The following FTCDNL1 variants were observed in gnomAD, a reference collection of about 807,000 sequenced individuals.
FTCDNL1 encodes formiminotransferase N-terminal subdomain-containing protein.
In FTCDNL1, 11 loss-of-function variants were observed where a neutral mutation model predicts 5.9. The observed-to-expected ratio is 1.87, with a 90% confidence interval of 1.18 to 3.10. FTCDNL1 has a LOEUF of 3.10. Ranked by LOEUF, FTCDNL1 falls within the 30% of genes most tolerant of loss-of-function variation. The pLI, the probability that FTCDNL1 is intolerant of heterozygous loss-of-function variation, is 0.00. For missense variants in FTCDNL1, 115 were observed against 65.5 expected (o/e 1.76, Z -2.61); for synonymous variants, 58 against 24.8 (o/e 2.34, Z -3.99).
chr2:199,751,883 T>A, the FTCDNL1 span, among the ~76,000 whole-genome samples: 1 of 5,752 alleles, frequency 1.7e-4, no homozygotes, highest in African/African-American at 2.1e-4. Flanking sequence ...TGAATCAGGA[T>A]TTTTTTTTTA....
chr2:199,796,871 G>A (rs1700199075), intron 3 of FTCDNL1, among the ~76,000 whole-genome samples: 1 of 152,048 alleles, frequency 6.6e-6, no homozygotes, highest in Admixed American at 6.6e-5. Context: ...CCTTTACAAA[G>A]TAAACTGTAT....
downstream of FTCDNL1, among the ~76,000 whole-genome samples, chr2:199,807,680 G>T (rs1236809345): frequency 6.6e-6 from 1 of 152,100 alleles, no homozygotes; most frequent in Non-Finnish European, 1.5e-5. Context: ...GTAAATTTTT[G>T]CTTTTTAATG....
At chr2:199,695,836 C>A in the FTCDNL1 span, among the ~76,000 whole-genome samples, 1 of 152,200 alleles carries the variant, frequency 6.6e-6, no homozygotes, top group Admixed American at 6.5e-5. Context: ...AGATGCCCAT[C>A]CCCAAGGATC....
the FTCDNL1 span, among the ~76,000 whole-genome samples, chr2:199,707,652 C>T: frequency 2.0e-5 from 3 of 151,710 alleles, no homozygotes; most frequent in Non-Finnish European, 4.4e-5. Context: ...TGATAACAAA[C>T]CATCTCAGCT....
intron 3 of FTCDNL1, among the ~76,000 whole-genome samples, chr2:199,845,833 CAA>C (rs750888679): frequency 1.7e-3 from 173 of 100,150 alleles, no homozygotes; most frequent in Admixed American, 1.4e-3. Flanking sequence ...TCACCTTCAG[CAA>C]AAAAAAAAAA....
the FTCDNL1 span, among the ~76,000 whole-genome samples, chr2:199,752,172 T>G: frequency 7.2e-5 from 11 of 152,286 alleles, no homozygotes; most frequent in East Asian, 2.1e-3. Flanking sequence ...TCTTCAAGGA[T>G]GCCTCGACTT....
intron 3 of FTCDNL1, among the ~76,000 whole-genome samples, chr2:199,766,692 G>A (rs1202098652): frequency 6.6e-6 from 1 of 152,170 alleles, no homozygotes; most frequent in Non-Finnish European, 1.5e-5. Flanking sequence ...TTTGGTTTAT[G>A]TGGCCTTGAA....
chr2:199,825,126 A>C (rs1247769805), intron 3 of FTCDNL1, among the ~76,000 whole-genome samples: 2 of 150,938 alleles, frequency 1.3e-5, no homozygotes, highest in African/African-American at 2.4e-5. Context: ...TGACAGAGCA[A>C]GACCCTGTCT....
chr2:199,709,429 T>A, the FTCDNL1 span, among the ~76,000 whole-genome samples: 2 of 152,090 alleles, frequency 1.3e-5, no homozygotes, highest in Admixed American at 6.6e-5. Context: ...TTTCCATCTG[T>A]GCTACTAGAA....
the FTCDNL1 span, among the ~76,000 whole-genome samples, chr2:199,715,233 C>T: frequency 0.033 from 4,955 of 152,054 alleles, 386 homozygotes; most frequent in East Asian, 0.26. Context: ...TATATATATG[C>T]TATATATATG....
intron 3 of FTCDNL1, among the ~76,000 whole-genome samples, chr2:199,764,787 T>G (rs1046169807): frequency 6.6e-6 from 1 of 152,180 alleles, no homozygotes; most frequent in African/African-American, 2.4e-5. Context: ...AGATGAGCTT[T>G]CTGTTGTGAC....
chr2:199,718,253 A>C, the FTCDNL1 span, among the ~76,000 whole-genome samples: 1 of 152,220 alleles, frequency 6.6e-6, no homozygotes, highest in South Asian at 2.1e-4. Context: ...AATGTCCACT[A>C]TTCCGCTCTG....
At chr2:199,739,203 C>T in the FTCDNL1 span, among the ~76,000 whole-genome samples, 3 of 152,120 alleles carry the variant, frequency 2.0e-5, no homozygotes, top group East Asian at 1.9e-4. Context: ...TTTAATCACC[C>T]GACTTCACTC....
At chr2:199,764,484 A>G (rs559607912) in intron 3 of FTCDNL1, among the ~76,000 whole-genome samples, 39 of 152,324 alleles carry the variant, frequency 2.6e-4, no homozygotes, top group Non-Finnish European at 5.0e-4. Flanking sequence ...CTGTGCTAAT[A>G]TTCGTGATTC....
the FTCDNL1 span, among the ~76,000 whole-genome samples, chr2:199,712,031 G>T: frequency 6.6e-6 from 1 of 152,100 alleles, no homozygotes; most frequent in Non-Finnish European, 1.5e-5. Context: ...AATCCAAAAA[G>T]CTTCTATGCA....
At chr2:199,741,217 C>T in the FTCDNL1 span, among the ~76,000 whole-genome samples, 1 of 152,080 alleles carries the variant, frequency 6.6e-6, no homozygotes, top group Non-Finnish European at 1.5e-5. Context: ...TCGACGCTGC[C>T]GTGAGCTATG....
At chr2:199,778,438 A>G (rs905336317) in intron 3 of FTCDNL1, among the ~76,000 whole-genome samples, 5 of 152,180 alleles carry the variant, frequency 3.3e-5, no homozygotes, top group Non-Finnish European at 7.4e-5. Flanking sequence ...ACATTCCTTA[A>G]GGTAAAATAC....
At chr2:199,699,079 ACT>A in the FTCDNL1 span, among the ~76,000 whole-genome samples, 1 of 152,170 alleles carries the variant, frequency 6.6e-6, no homozygotes, top group African/African-American at 2.4e-5. Flanking sequence ...AGAAATTGAA[ACT>A]CTGAACAAAC....
intron 3 of FTCDNL1, among the ~76,000 whole-genome samples, chr2:199,797,478 T>C (rs1015800614): frequency 6.6e-6 from 1 of 152,292 alleles, no homozygotes; most frequent in Non-Finnish European, 1.5e-5. Context: ...TACTATTTAA[T>C]AGAGCAGCTG....
Sources: gnomAD v4.1 joint callset for allele counts (sites outside exome capture counted in the v4.1 genomes callset) on GRCh38, gnomAD v4.1.1 for gene constraint, MANE v1.5 for transcripts, NCBI Gene and HGNC (gene_info 2026-07-23, HGNC 2026-07-21) for gene names.